TTLL7: variants seen among roughly 807,000 people sequenced by gnomAD.
TTLL7 encodes tubulin polyglutamylase TTLL7.
Under a neutral mutation model 120.2 loss-of-function variants are expected in TTLL7, and 53 were observed. That is an observed-to-expected ratio of 0.44 (90% CI 0.35 to 0.55). TTLL7 has a LOEUF of 0.55. Among genes scored for constraint, TTLL7 ranks in the 20% least tolerant of loss-of-function variants. The probability of loss-of-function intolerance (pLI) is 0.00; values close to 1 mark genes in which losing one functional copy is unlikely to be tolerated. For synonymous variants in TTLL7, 353 were observed against 351.7 expected (o/e 1.00, Z -0.04); for missense variants, 803 against 1,054.7 (o/e 0.76, Z 3.31).
At chr1:83,874,201 T>C (rs1469456844) in intron 20 of TTLL7, among the ~76,000 whole-genome samples, 1 of 152,122 alleles carries the variant, frequency 6.6e-6, no homozygotes, top group East Asian at 1.9e-4. Context: ...TTGCATATTA[T>C]ACATGCCTCA....
At chr1:83,994,191 G>A (rs1211971394) in intron 1 of TTLL7, among the ~76,000 whole-genome samples, 1 of 152,206 alleles carries the variant, frequency 6.6e-6, no homozygotes, top group Non-Finnish European at 1.5e-5. Context: ...ATAATGTGAT[G>A]CTTTTGTTTT....
intron 1 of TTLL7, among the ~76,000 whole-genome samples, chr1:83,973,597 T>C (rs141122491): frequency 1.4e-3 from 208 of 152,158 alleles, no homozygotes; most frequent in African/African-American, 4.8e-3. Context: ...TTTGTCAATA[T>C]CCACAAAACA....
Position 83,961,790 on chromosome 1 carries a change from T to C in TTLL7, c.-176-9403A>G, listed in dbSNP as rs1303230742. 2.6e-5 allele frequency among the ~76,000 whole-genome samples: 4 copies of C among 152,124 alleles called. No homozygotes were observed. In the East Asian group the frequency reaches 5.8e-4, roughly 22 times the overall value. ...GTTCTCCAGTAGCCTAAAACTCTTATTTGCTCCCTATGAATAATATGTGAC... is the reference window on the plus strand; with the variant it reads ...GTTCTCCAGTAGCCTAAAACTCTTACTTGCTCCCTATGAATAATATGTGAC... On this transcript the variant is annotated intron_variant, in intron 1 of 20. Coordinates refer to ENST00000260505, the MANE Select transcript of TTLL7 (RefSeq NM_024686.6).
rs764107364 is a variant in TTLL7, at chr1:83,907,557, G to A, written c.1891C>T (p.Arg631Trp). Residue 631 changes from arginine (R) to tryptophan (W), a missense_variant, in exon 16 of 21, where the codon CGG becomes TGG. Physicochemically the swap from Arg to Trp is moderately radical, Grantham distance 101 (BLOSUM62 -3). Around this residue, in one of 3 missense-constraint regions of TTLL7, gnomAD observed 388 missense variants for 450.4 expected, o/e 0.86. Coordinates refer to ENST00000260505, the MANE Select transcript of TTLL7 (RefSeq NM_024686.6). ...FSAQQMISVS[R>W]PTSASRSHSL... ...TGTGACCGAGATGCAGAAGTTGGCCGTGACACAGATATCATTTGTTGAGCA... is the reference window on the plus strand; with the variant it reads ...TGTGACCGAGATGCAGAAGTTGGCCATGACACAGATATCATTTGTTGAGCA... 11 of 1,613,304 alleles carry A rather than the reference G, an allele frequency of 6.8e-6. No individual in the cohort carries two copies. Among genetic ancestry groups the A allele is most frequent in the South Asian group, 5.5e-5 (5 of 91,080 alleles).
Position 83,894,939 on chromosome 1 carries a change from C to T in TTLL7, c.2209-4458G>A, listed in dbSNP as rs151030607. Among the ~76,000 whole-genome samples the T allele has an allele frequency of 3.1e-3, 470 of 152,162 alleles. 2 individuals carry two copies. Among genetic ancestry groups the T allele is most frequent in the African/African-American group, 0.01 (436 of 41,538 alleles). On this transcript the variant is annotated intron_variant, in intron 18 of 20. Coordinates refer to ENST00000260505, the MANE Select transcript of TTLL7 (RefSeq NM_024686.6). ...CTATAATTTGGAGGGCATGGAACAACAGACTGAGGGAACAGGAACCCAAAT... is the reference window on the plus strand; with the variant it reads ...CTATAATTTGGAGGGCATGGAACAATAGACTGAGGGAACAGGAACCCAAAT...
rs917935806 is a variant in TTLL7 at position 83,890,577 on chromosome 1, G to A, written c.2209-96C>T. 14 of 953,560 alleles carry A rather than the reference G, an allele frequency of 1.5e-5. No homozygotes were observed. The African/African-American group carries it at 2.4e-4, about 16-fold the overall frequency. 59.1% of individuals were successfully genotyped at this position (953,560 alleles called of 1,614,324 possible). Reference sequence around the variant, plus strand: ...GAGCTCAGGAGTTCCAGACCAGCCTGGGCAATATAGTGAGAACCTGTCTCT... The same window carrying A: ...GAGCTCAGGAGTTCCAGACCAGCCTAGGCAATATAGTGAGAACCTGTCTCT... On this transcript the variant is annotated intron_variant, in intron 18 of 20. Coordinates refer to ENST00000260505, the MANE Select transcript of TTLL7 (RefSeq NM_024686.6).
intron 7 of TTLL7, among the ~76,000 whole-genome samples, chr1:83,940,582 C>A (rs193033454): frequency 3.9e-4 from 59 of 152,228 alleles, no homozygotes; most frequent in Admixed American, 7.8e-4. Context: ...TTCTTGATTT[C>A]CCTTTCCCTT....
Position 83,942,518 on chromosome 1 carries a change from T to C in TTLL7, c.668A>G (p.Asp223Gly). 6.2e-7 allele frequency: 1 copy of C among 1,614,072 alleles called. No individual in the cohort carries two copies. Among genetic ancestry groups the C allele is most frequent in the South Asian group, 1.1e-5 (1 of 91,078 alleles). Residue 223 changes from aspartate to glycine, a missense_variant, in exon 7 of 21, where the codon GAT becomes GGT. Transcript: ENST00000260505. Reference protein sequence around the residue: ...CDPLKIFLYHDGLVRMGTEKY... With the variant: ...CDPLKIFLYHGGLVRMGTEKY... Reference sequence around the variant, plus strand: ...CTCTGTACCCATTCGCACAAGCCCATCATGGTAGAGAAATATTTTTAGTGG... The same window carrying C: ...CTCTGTACCCATTCGCACAAGCCCACCATGGTAGAGAAATATTTTTAGTGG...
At chr1:83,907,050 G>C (rs1410219772) in intron 16 of TTLL7, among the ~76,000 whole-genome samples, 1 of 151,934 alleles carries the variant, frequency 6.6e-6, no homozygotes, top group Non-Finnish European at 1.5e-5. Context: ...TTGTACTTAA[G>C]TGCTCTAAGG....
chr1:83,916,546 C>T (rs999922239), intron 14 of TTLL7, among the ~76,000 whole-genome samples: 6 of 151,606 alleles, frequency 4.0e-5, no homozygotes, highest in African/African-American at 9.7e-5. Context: ...TAGTAAATGA[C>T]GAGTTAATGG....
At chr1:83,975,477 G>T (rs1651381908) in intron 1 of TTLL7, among the ~76,000 whole-genome samples, 1 of 151,780 alleles carries the variant, frequency 6.6e-6, no homozygotes, top group Non-Finnish European at 1.5e-5. Context: ...AGACAGATCT[G>T]TTTGATTCTC....
intron 6 of TTLL7, among the ~76,000 whole-genome samples, chr1:83,945,004 T>C (rs1410098452): frequency 6.6e-6 from 1 of 152,044 alleles, no homozygotes; most frequent in Non-Finnish European, 1.5e-5. Flanking sequence ...CTCAACAATA[T>C]ATAGTAAAAG....
chr1:83,956,530 T>C (rs1249381805), intron 1 of TTLL7, among the ~76,000 whole-genome samples: 2 of 150,964 alleles, frequency 1.3e-5, no homozygotes, highest in Non-Finnish European at 2.9e-5. Flanking sequence ...CGGGTTCAAG[T>C]GATTCGCCTG....
chr1:83,927,773 T>C (rs1313274756), intron 10 of TTLL7, among the ~76,000 whole-genome samples: 1 of 152,126 alleles, frequency 6.6e-6, no homozygotes, highest in Admixed American at 6.6e-5. Context: ...AAGCACTCCA[T>C]AAGAAAATTA....
chr1:83,929,002 G>A (rs1659367261), intron 10 of TTLL7, 134 bp downstream of exon 10: 1 of 404,892 alleles, frequency 2.5e-6, no homozygotes, highest in East Asian at 3.9e-5. Flanking sequence ...AATACAAAAT[G>A]GATGGAATCA....
chr1:83,949,579 G>A (rs1473169573), intron 4 of TTLL7: 3 of 311,200 alleles, frequency 9.6e-6, no homozygotes, highest in Non-Finnish European at 1.2e-5. Flanking sequence ...ACCCGCCTTG[G>A]CCTCCCAAAA....
At chr1:83,990,886 A>T (rs920944735) in intron 1 of TTLL7, among the ~76,000 whole-genome samples, 1 of 152,232 alleles carries the variant, frequency 6.6e-6, no homozygotes. Flanking sequence ...TTGAAGAGGT[A>T]TTTGCATGCC....
At chr1:83,997,180 T>C (rs1159495525) in intron 1 of TTLL7, among the ~76,000 whole-genome samples, 1 of 152,166 alleles carries the variant, frequency 6.6e-6, no homozygotes, top group Admixed American at 6.5e-5. Context: ...CCAATGCAAA[T>C]GGTTCAATAC....
chr1:83,951,596 C>T (rs1649058609), intron 3 of TTLL7, among the ~76,000 whole-genome samples: 1 of 152,064 alleles, frequency 6.6e-6, no homozygotes, highest in Admixed American at 6.5e-5. Flanking sequence ...CTTTTTTCAG[C>T]TAAGCTGTCT....
Sources: gnomAD v4.1 joint callset for allele counts (sites outside exome capture counted in the v4.1 genomes callset) on GRCh38, gnomAD v4.1.1 for gene constraint, gnomAD v4.1.1 regional missense constraint, MANE v1.5 for transcripts, NCBI Gene and HGNC (gene_info 2026-07-23, HGNC 2026-07-21) for gene names.